The following LRFN2 variants were observed in gnomAD, a reference collection of about 807,000 sequenced individuals.
The protein encoded by LRFN2 is leucine rich repeat and fibronectin type III domain containing 2.
LRFN2 carries 18 observed loss-of-function variants against 37.3 expected under a neutral mutation model. The ratio of observed to expected loss-of-function variants is 0.48; its 90% CI spans 0.33 to 0.72. The LOEUF (loss-of-function observed/expected upper bound fraction) is 0.72, where lower values mean the gene tolerates loss of function less well. Among genes scored for constraint, LRFN2 ranks in the 30% least tolerant of loss-of-function variants. The pLI is 0.02. For synonymous variants in LRFN2, 556 were observed against 466.6 expected, an observed-to-expected ratio of 1.19 and a Z score of -2.47; for missense variants, 1,006 against 1,060.7, an observed-to-expected ratio of 0.95 and a Z score of 0.72.
intron 1 of LRFN2, among the ~76,000 whole-genome samples, chr6:40,527,089 C>T (rs556960567): frequency 6.2e-4 from 94 of 152,300 alleles, no homozygotes; most frequent in Non-Finnish European, 1.1e-3. Flanking sequence ...CCAGTGATAT[C>T]GAATAGCAGC....
At chr6:40,558,524 A>G (rs1322526755) in intron 1 of LRFN2, among the ~76,000 whole-genome samples, 1 of 151,430 alleles carries the variant, frequency 6.6e-6, no homozygotes, top group African/African-American at 2.4e-5. Context: ...TGAAAGGTAC[A>G]TGGATCCCAG....
chr6:40,495,821 G>T (rs940511452), intron 1 of LRFN2, among the ~76,000 whole-genome samples: 1 of 152,060 alleles, frequency 6.6e-6, no homozygotes, highest in Non-Finnish European at 1.5e-5. Flanking sequence ...GATCATATCT[G>T]GTCATACGAC....
intron 1 of LRFN2, among the ~76,000 whole-genome samples, chr6:40,571,755 A>T (rs1464384314): frequency 6.6e-6 from 1 of 151,780 alleles, no homozygotes; most frequent in Non-Finnish European, 1.5e-5. Flanking sequence ...GTGATGCCCC[A>T]CCTCCATCCA....
intron 1 of LRFN2, among the ~76,000 whole-genome samples, chr6:40,566,488 T>C (rs1417173277): frequency 2.6e-5 from 4 of 152,244 alleles, no homozygotes; most frequent in East Asian, 1.9e-4. Flanking sequence ...CCAACCCAAA[T>C]GTCCAACAAT....
chr6:40,534,685 C>T lies in LRFN2; in HGVS notation c.-19+52256G>A, dbSNP rs567287877. 5.9e-5 allele frequency among the ~76,000 whole-genome samples: 9 copies of T among 152,220 alleles called. No homozygotes were observed. In the South Asian group the frequency reaches 1.7e-3, roughly 28 times the overall value. On this transcript the variant is annotated intron_variant, in intron 1 of 2. Coordinates refer to ENST00000338305, the MANE Select transcript of LRFN2 (RefSeq NM_020737.3). ...GGTGCCTGACACATATCAGGTATTG[C>T]TATTATTATTGTTGGCGCTCATTCC...
chr6:40,442,973 A>G (rs965428820), intron 1 of LRFN2, among the ~76,000 whole-genome samples: 1 of 152,198 alleles, frequency 6.6e-6, no homozygotes, highest in Admixed American at 6.5e-5. Flanking sequence ...GTGGTGTAAC[A>G]TCACCCATAG....
intron 1 of LRFN2, among the ~76,000 whole-genome samples, chr6:40,507,492 A>G (rs759846983): frequency 4.6e-5 from 7 of 152,214 alleles, no homozygotes; most frequent in Admixed American, 2.0e-4. Context: ...CATAGATCGT[A>G]TAAGTGGGAC....
At chr6:40,558,674 CTT>C (rs1766936281) in intron 1 of LRFN2, among the ~76,000 whole-genome samples, 1 of 152,140 alleles carries the variant, frequency 6.6e-6, no homozygotes, top group Non-Finnish European at 1.5e-5. Flanking sequence ...AAATTACTGT[CTT>C]TATCATTATT....
At chr6:40,531,974 C>T (rs549964876) in intron 1 of LRFN2, among the ~76,000 whole-genome samples, 14 of 152,334 alleles carry the variant, frequency 9.2e-5, no homozygotes, top group African/African-American at 1.7e-4. Context: ...GGCAATCTCC[C>T]GAGTCTCCAT....
At chr6:40,419,517 T>G (rs180878338) in intron 2 of LRFN2, among the ~76,000 whole-genome samples, 3,457 of 152,266 alleles carry the variant, frequency 0.023, 65 homozygotes, top group Non-Finnish European at 0.035. Context: ...CCAGTTCAAC[T>G]CCAGCCAACC....
At chr6:40,469,118 G>A (rs1764538571) in intron 1 of LRFN2, among the ~76,000 whole-genome samples, 1 of 152,172 alleles carries the variant, frequency 6.6e-6, no homozygotes, top group African/African-American at 2.4e-5. Context: ...AGAGGCACAG[G>A]AGGGGAAGAC....
At chr6:40,412,672 C>T (rs1762998508) in intron 2 of LRFN2, among the ~76,000 whole-genome samples, 1 of 152,166 alleles carries the variant, frequency 6.6e-6, no homozygotes, top group Non-Finnish European at 1.5e-5. Flanking sequence ...TTCACTCATC[C>T]AAGAAATGTT....
In LRFN2 at chr6:40,422,356, G is replaced by A. The variant is rs1027364362; in HGVS notation, c.1400+9358C>T. Among the ~76,000 whole-genome samples the A allele has an allele frequency of 7.2e-5, 11 of 152,120 alleles. 1 individual carries two copies. Among genetic ancestry groups the A allele is most frequent in the African/African-American group, 2.2e-4 (9 of 41,416 alleles). On this transcript the variant is annotated intron_variant, in intron 2 of 2. Coordinates refer to ENST00000338305, the MANE Select transcript of LRFN2 (RefSeq NM_020737.3). ...CTGTCCAAACCCCTGATTTCACTGG[G>A]CATGATGCTGAATGCATGTCAAAAT...
chr6:40,575,482 G>C (rs961988884), intron 1 of LRFN2, among the ~76,000 whole-genome samples: 1 of 152,182 alleles, frequency 6.6e-6, no homozygotes. Flanking sequence ...CTTACTCTGC[G>C]CCTGCCCTTC....
chr6:40,528,566 G>A (rs1766294905), intron 1 of LRFN2, among the ~76,000 whole-genome samples: 1 of 152,186 alleles, frequency 6.6e-6, no homozygotes, highest in Admixed American at 6.5e-5. Flanking sequence ...CCTTCCATAG[G>A]CTAAGGGCTC....
chr6:40,422,770 A>G (rs1184305007), intron 2 of LRFN2, among the ~76,000 whole-genome samples: 1 of 152,158 alleles, frequency 6.6e-6, no homozygotes, highest in Non-Finnish European at 1.5e-5. Context: ...GGTATGGAAT[A>G]AACGATATCC....
intron 1 of LRFN2, among the ~76,000 whole-genome samples, chr6:40,465,211 A>G (rs755898104): frequency 6.6e-6 from 1 of 152,132 alleles, no homozygotes; most frequent in Non-Finnish European, 1.5e-5. Flanking sequence ...GCAAGGAAAC[A>G]TATTCTACCC....
rs1042504387 is a variant in LRFN2 at position 40,402,267 on chromosome 6, A to T, written c.1401-9355T>A. Among the ~76,000 whole-genome samples, 7 of 152,308 alleles carry T rather than the reference A, an allele frequency of 4.6e-5. No homozygotes were observed. The South Asian group carries it at 1.5e-3, about 32-fold the overall frequency. On this transcript the variant is annotated intron_variant, in intron 2 of 2. Transcript: ENST00000338305. ...AATTATCCCCTTATTACAGATGAAG[A>T]AACTAAGGCTCAGGCAGATAGAACC...
chr6:40,435,050 TATAGAGAGAG>T (rs1369860609), intron 1 of LRFN2, among the ~76,000 whole-genome samples: 55 of 60,040 alleles, frequency 9.2e-4, no homozygotes, highest in African/African-American at 1.5e-3. Context: ...TATATATATA[TATAGAGAGAG>T]AGAGAGAGAG....
Sources: allele counts gnomAD v4.1 joint callset (sites outside exome capture counted in the v4.1 genomes callset), GRCh38; gene constraint gnomAD v4.1.1; transcripts MANE v1.5; gene names NCBI Gene and HGNC (gene_info 2026-07-23, HGNC 2026-07-21).